The following HSP90AA1 variants were observed in gnomAD, a reference collection of about 807,000 sequenced individuals.
HSP90AA1 encodes the protein heat shock protein 90 alpha family class A member 1, also known as heat shock protein HSP 90-alpha.
A neutral mutation model predicts 73.3 loss-of-function variants in HSP90AA1; 18 were observed. The observed-to-expected ratio is 0.25, with a 90% CI of 0.17 to 0.36. The LOEUF is 0.36. Ranked by LOEUF, HSP90AA1 falls within the 10% of genes least tolerant of loss-of-function variation. HSP90AA1 has a pLI of 1.00. For synonymous variants in HSP90AA1, 477 were observed against 296.9 expected, an observed-to-expected ratio of 1.61 and a Z score of -6.24; for missense variants, 704 against 874.2, an observed-to-expected ratio of 0.81 and a Z score of 2.45.
intron 1 of HSP90AA1, among the ~76,000 whole-genome samples, chr14:102,127,404 TC>T (rs1477919622): frequency 5.3e-5 from 8 of 152,210 alleles, no homozygotes; most frequent in African/African-American, 1.9e-4. Context: ...CTGTAATAAT[TC>T]AATTAGTTCT....
At chr14:102,082,038 C>CT in intron 10 of HSP90AA1, 73 bp downstream of exon 10, 2 of 1,098,376 alleles carry the variant, frequency 1.8e-6, no homozygotes, top group Admixed American at 3.9e-5. Context: ...GTTTGGATAA[C>CT]TGAAAGTTCA....
chr14:102,112,521 T>C (rs2049655197), intron 1 of HSP90AA1, among the ~76,000 whole-genome samples: 1 of 151,978 alleles, frequency 6.6e-6, no homozygotes, highest in Non-Finnish European at 1.5e-5. Context: ...CTCTGTTGCC[T>C]AGCCTGGAGT....
rs983512336 is a variant in HSP90AA1 at position 102,081,003 on chromosome 14, C to T, written c.*709G>A. On this transcript the variant is annotated 3_prime_UTR_variant, in exon 11 of 11. Transcript: ENST00000216281. The stretch of plus-strand genomic sequence containing the variant: ...TTTACATTTTGGCACTAACTGTCAT[C>T]CAGATACTCCCCTTTCCCCCTAAAT... The T allele has an allele frequency of 4.4e-6, 1 of 227,594 alleles. No individual in the cohort carries two copies. Among genetic ancestry groups the T allele is most frequent in the Non-Finnish European group, 8.7e-6 (1 of 114,534 alleles). The allele number at this position is 227,594 out of a possible 1,614,324, so 14.1% of individuals were successfully genotyped here.
chr14:102,128,357 G>A (rs2049862740), intron 1 of HSP90AA1, among the ~76,000 whole-genome samples: 1 of 152,176 alleles, frequency 6.6e-6, no homozygotes, highest in Admixed American at 6.6e-5. Context: ...GATGGGCGCA[G>A]TGGCTCACGC....
In HSP90AA1 at chr14:102,082,459, T is replaced by C; in HGVS notation, c.1756-15A>G. The C allele has an allele frequency of 6.3e-7, 1 of 1,593,440 alleles. No homozygotes were observed. Among genetic ancestry groups the C allele is most frequent in the Non-Finnish European group, 8.6e-7 (1 of 1,165,830 alleles). ...GACACAACCACCTGTAATCAAAAAG[T>C]GATGACTAGGAACCTAGAAAGATTA... On this transcript the variant is annotated splice_polypyrimidine_tract_variant and intron_variant, in intron 9 of 10. Coordinates refer to ENST00000216281, the MANE Select transcript of HSP90AA1 (RefSeq NM_005348.4).
At chr14:102,118,318 G>A (rs141738200) in intron 1 of HSP90AA1, among the ~76,000 whole-genome samples, 21 of 152,096 alleles carry the variant, frequency 1.4e-4, no homozygotes, top group African/African-American at 4.3e-4. Context: ...ATGTGATCAC[G>A]ATTTATTTTA....
rs968103708 is a variant in HSP90AA1, at chr14:102,084,874, G to C, written c.788C>G (p.Ser263Cys). The C allele has an allele frequency of 3.8e-6, 6 of 1,559,260 alleles. No individual in the cohort carries two copies. The highest frequency in any genetic ancestry group is 2.2e-5 in the East Asian group (1 of 44,576). Reference sequence around the variant, plus strand: ...ATCCTTCTTTTCTTCTTCCTCATCAGAACCAACATCTTCAATTTCAGGTTT... The same window carrying C: ...ATCCTTCTTTTCTTCTTCCTCATCACAACCAACATCTTCAATTTCAGGTTT... ...EDKPEIEDVG[S>C]DEEEEKKDGD... Residue 263 changes from serine to cysteine, a missense_variant, in exon 5 of 11, where the codon TCT becomes TGT. Ser to Cys is a moderately radical substitution (Grantham distance 112). Coordinates refer to ENST00000216281, the MANE Select transcript of HSP90AA1 (RefSeq NM_005348.4).
chr14:102,117,509 G>A (rs568976795), intron 1 of HSP90AA1, among the ~76,000 whole-genome samples: 233 of 151,298 alleles, frequency 1.5e-3, no homozygotes, highest in African/African-American at 5.4e-3. Flanking sequence ...AACACTCCTC[G>A]GGATGACCTG....
intron 1 of HSP90AA1, among the ~76,000 whole-genome samples, chr14:102,105,893 A>C (rs1365427747): frequency 6.6e-6 from 1 of 152,116 alleles, no homozygotes; most frequent in East Asian, 1.9e-4. Flanking sequence ...AACATGGTGA[A>C]ACCCTGTCTC....
At chr14:102,112,037 C>T (rs1303760221) in intron 1 of HSP90AA1, among the ~76,000 whole-genome samples, 1 of 152,164 alleles carries the variant, frequency 6.6e-6, no homozygotes, top group Non-Finnish European at 1.5e-5. Context: ...TTCTGCTGGA[C>T]ACTTGGTGGG....
At chr14:102,126,415 T>C (rs182376027) in intron 1 of HSP90AA1, among the ~76,000 whole-genome samples, 2 of 152,366 alleles carry the variant, frequency 1.3e-5, no homozygotes, top group East Asian at 3.9e-4. Flanking sequence ...TTATTTACTA[T>C]GTGCTTAGCA....
chr14:102,138,010 TAAG>T (rs1383606399), intron 1 of HSP90AA1, among the ~76,000 whole-genome samples: 2 of 137,258 alleles, frequency 1.5e-5, no homozygotes, highest in East Asian at 2.2e-4. Flanking sequence ...AGACTCCATC[TAAG>T]AAAAAAAAAA....
At chr14:102,085,578 G>T (rs1366976407) in intron 3 of HSP90AA1, 147 bp from the exon 4 acceptor site, 3 of 1,185,726 alleles carry the variant, frequency 2.5e-6, no homozygotes, top group Non-Finnish European at 3.7e-6. Context: ...TGGGCAAGGT[G>T]CCTCGCCCAA....
At chr14:102,122,813 GCC>G (rs1214811739) in intron 1 of HSP90AA1, among the ~76,000 whole-genome samples, 13 of 150,994 alleles carry the variant, frequency 8.6e-5, no homozygotes, top group Non-Finnish European at 1.5e-4. Flanking sequence ...GATTACAGGT[GCC>G]TGCCACCATG....
At chr14:102,087,632 C>T (rs973869421), upstream of HSP90AA1, among the ~76,000 whole-genome samples, 2 of 152,192 alleles carry the variant, frequency 1.3e-5, no homozygotes, top group African/African-American at 4.8e-5. Flanking sequence ...GGGGCTCTGC[C>T]CTCTGGGGGC....
intron 1 of HSP90AA1, among the ~76,000 whole-genome samples, chr14:102,110,518 C>A (rs1407381585): frequency 6.6e-6 from 1 of 151,996 alleles, no homozygotes; most frequent in African/African-American, 2.4e-5. Context: ...CTCCCGGGTT[C>A]AAGCAATTCT....
chr14:102,084,517 G>T lies in HSP90AA1; in HGVS notation c.1029C>A (p.Val343=). The change falls in exon 6 of 11, where the codon GTC becomes GTA. Residue 343 remains valine, a synonymous_variant. Coordinates refer to ENST00000216281, the MANE Select transcript of HSP90AA1 (RefSeq NM_005348.4). ...ACAGATCAAAAGGAGCACGTCGTGG[G>T]ACAAATAGAAGGGCTCTGAATTCCA... is the stretch of plus-strand genomic sequence containing the variant. ...GQLEFRALLF[V]PRRAPFDLFE... is the part of the protein sequence containing the mutation. 2 of 1,614,134 alleles carry T rather than the reference G, an allele frequency of 1.2e-6. No individual in the cohort carries two copies. The highest frequency in any genetic ancestry group is 1.7e-6 in the Non-Finnish European group (2 of 1,179,988).
intron 1 of HSP90AA1, among the ~76,000 whole-genome samples, chr14:102,112,225 T>G (rs2049650956): frequency 6.6e-6 from 1 of 152,206 alleles, no homozygotes; most frequent in Non-Finnish European, 1.5e-5. Flanking sequence ...CAGACTGGGG[T>G]GCACTGGCAC....
Position 102,081,985 on chromosome 14 carries a change from T to C in HSP90AA1, c.2089+126A>G, listed in dbSNP as rs1276103074. ...ACCTTACTTATCCCTAAAAAAAACA[T>C]ACTTTAATACCTCCAAGCAGCAAGC... On this transcript the variant is annotated intron_variant, in intron 10 of 10. Transcript: ENST00000216281. 1.4e-5 allele frequency: 11 copies of C among 795,000 alleles called. No individual in the cohort carries two copies. The East Asian group carries it at 2.9e-4, about 21-fold the overall frequency. The allele number at this position is 795,000 out of a possible 1,614,324, so 49.2% of individuals were successfully genotyped here.
Sources: gnomAD v4.1 joint callset for allele counts (sites outside exome capture counted in the v4.1 genomes callset) on GRCh38, gnomAD v4.1.1 for gene constraint, MANE v1.5 for transcripts, NCBI Gene and HGNC (gene_info 2026-07-23, HGNC 2026-07-21) for gene names.